Variants in SLC28A2 observed in about 807,000 individuals in gnomAD.
SLC28A2 encodes solute carrier family 28 member 2, also known as sodium/nucleoside cotransporter 2.
SLC28A2 carries 69 observed loss-of-function variants against 72.9 expected under a neutral mutation model. The ratio of observed to expected loss-of-function variants is 0.95; its 90% confidence interval spans 0.78 to 1.16. The LOEUF is 1.16. SLC28A2 is among the 50% of genes most tolerant of loss of function. SLC28A2 has a pLI of 0.00. For synonymous variants in SLC28A2, 296 were observed against 294.1 expected (o/e 1.01, Z -0.07); for missense variants, 745 against 791.1 (o/e 0.94, Z 0.70).
chr15:45,267,683 G>C lies in SLC28A2; in HGVS notation c.1086G>C (p.Leu362=). 6.2e-7 allele frequency: 1 copy of C among 1,614,096 alleles called. No individual in the cohort carries two copies. The highest frequency in any genetic ancestry group is 1.3e-5 in the African/African-American group (1 of 75,012). The change falls in exon 12 of 18, where the codon CTG becomes CTC. Residue 362 remains leucine (L), a synonymous_variant. Coordinates refer to ENST00000347644, the MANE Select transcript of SLC28A2 (RefSeq NM_004212.4). ...CCTCACAGGTTGATGCATCATCCCT[G>C]ATTTCTGCCTCTGTGATGGCCGCCC... ...FIAFGVDASS[L]ISASVMAAPC...
At chr15:45,268,411 G>C (rs1283343785) in intron 13 of SLC28A2, 33 bp downstream of exon 13, 2 of 1,546,480 alleles carry the variant, frequency 1.3e-6, no homozygotes, top group Non-Finnish European at 1.8e-6. Context: ...CTGTCCCTCT[G>C]GGATGTGGTT....
At position 45,253,420 on chromosome 15, in the gene SLC28A2, C is replaced by CT. The variant is rs1899868169; in HGVS notation, c.82-11dup. ...GCTCCATGACTGATCCCAATGCTCT[C>CT]TGTGCTTGTAGGAAAAAGAAGTAGA... On this transcript the variant is annotated splice_polypyrimidine_tract_variant and intron_variant, in intron 2 of 17. Transcript: ENST00000347644. The CT allele has an allele frequency of 2.5e-6, 4 of 1,610,326 alleles. No individual in the cohort carries two copies. Among genetic ancestry groups the CT allele is most frequent in the Non-Finnish European group, 3.4e-6 (4 of 1,176,576 alleles).
intron 13 of SLC28A2, among the ~76,000 whole-genome samples, chr15:45,268,731 G>A (rs534120220): frequency 9.3e-4 from 142 of 152,078 alleles, no homozygotes; most frequent in African/African-American, 3.3e-3. Context: ...TGTTTATTGC[G>A]GCACTATTCA....
chr15:45,264,007 C>T lies in SLC28A2; in HGVS notation c.573C>T (p.Ser191=). ...CMFILILFAC[S]KHHSAVSWRT... ...TCATCCTTATCCTCTTTGCCTGCTC[C>T]AAACACCACAGCGCAGTGAGTTTTG... Residue 191 remains serine, a synonymous_variant, in exon 6 of 18, where the codon TCC becomes TCT. Transcript: ENST00000347644. The T allele has an allele frequency of 6.2e-7, 1 of 1,612,598 alleles. No homozygotes were observed. The highest frequency in any genetic ancestry group is 8.5e-7 in the Non-Finnish European group (1 of 1,179,298).
intron 15 of SLC28A2, among the ~76,000 whole-genome samples, chr15:45,270,951 G>A (rs1367446398): frequency 6.6e-6 from 1 of 152,126 alleles, no homozygotes; most frequent in Non-Finnish European, 1.5e-5. Flanking sequence ...ATTTTATTCA[G>A]TAGTGAAGAC....
At position 45,269,341 on chromosome 15, in the gene SLC28A2, A is replaced by G. The variant is rs1403590385; in HGVS notation, c.1372A>G (p.Ile458Val). 3.7e-6 allele frequency: 6 copies of G among 1,613,498 alleles called. No individual in the cohort carries two copies. The South Asian group carries it at 5.5e-5, about 15-fold the overall frequency. The change falls in exon 14 of 18, where the codon ATC (isoleucine) becomes GTC (valine). Residue 458 changes from isoleucine (I) to valine (V), a missense_variant. Coordinates refer to ENST00000347644, the MANE Select transcript of SLC28A2 (RefSeq NM_004212.4). ...GTGATATCTCTCTTTCACTCAGGTC[A>G]TCTGCTCCTATCTCCTAAGGCCCAT... is the stretch of plus-strand genomic sequence containing the variant. ...VDIQGLTFQV[I>V]CSYLLRPMVF... is the part of the protein sequence containing the mutation.
intron 3 of SLC28A2, among the ~76,000 whole-genome samples, chr15:45,254,578 C>T (rs1355837878): frequency 1.3e-5 from 2 of 152,128 alleles, no homozygotes; most frequent in Non-Finnish European, 2.9e-5. Context: ...CATAAGTACA[C>T]TGTAAGATGT....
intron 9 of SLC28A2, among the ~76,000 whole-genome samples, 154 bp downstream of exon 9, chr15:45,265,817 G>A (rs977966982): frequency 1.3e-5 from 2 of 152,198 alleles, no homozygotes; most frequent in Non-Finnish European, 2.9e-5. Flanking sequence ...GTCAGCCGAG[G>A]CCCTAGGTAG....
At position 45,277,234 on chromosome 15, in the gene SLC28A2, ATAT is replaced by A. The variant is rs1221500354; in HGVS notation, c.*1725_*1727del. The A allele has an allele frequency of 1.3e-5, 2 of 149,662 alleles. No homozygotes were observed. The highest frequency in any genetic ancestry group is 1.5e-5 in the Non-Finnish European group (1 of 67,554). 9.3% of individuals were successfully genotyped at this position (149,662 alleles called of 1,614,324 possible). ...ATATTTAATATTATTTATTATATTAATATTATAGCCTTAAGGAAGGGTTTCAAA... is the reference window on the plus strand; with the variant it reads ...ATATTTAATATTATTTATTATATTAATATAGCCTTAAGGAAGGGTTTCAAA... On this transcript the variant is annotated 3_prime_UTR_variant, in exon 18 of 18. Coordinates refer to ENST00000347644, the MANE Select transcript of SLC28A2 (RefSeq NM_004212.4).
At position 45,264,726 on chromosome 15, in the gene SLC28A2, T is replaced by C. The variant is rs1289201082; in HGVS notation, c.660T>C (p.Asp220=). Residue 220 remains aspartate, a synonymous_variant, in exon 7 of 18, where the codon GAT becomes GAC. Transcript: ENST00000347644. ...TTGGGATCTTGGTCATCAGAACTGATCTTGGATATACTGTATTTCAGTGGC... is the reference window on the plus strand; with the variant it reads ...TTGGGATCTTGGTCATCAGAACTGACCTTGGATATACTGTATTTCAGTGGC... ...FVFGILVIRT[D]LGYTVFQWLG... 6.2e-7 allele frequency: 1 copy of C among 1,613,788 alleles called. No homozygotes were observed. Among genetic ancestry groups the C allele is most frequent in the Non-Finnish European group, 8.5e-7 (1 of 1,179,698 alleles).
intron 3 of SLC28A2, among the ~76,000 whole-genome samples, 188 bp from the exon 4 acceptor site, chr15:45,261,827 C>A (rs750196403): frequency 2.6e-5 from 4 of 152,182 alleles, no homozygotes; most frequent in Non-Finnish European, 5.9e-5. Flanking sequence ...ACCTGCTGCC[C>A]ACCAGCAAGG....
rs760993550 is a variant in SLC28A2, at chr15:45,272,759, A to C, written c.1834A>C (p.Met612Leu). 3 of 1,609,070 alleles carry C rather than the reference A, an allele frequency of 1.9e-6. No homozygotes were observed. Among genetic ancestry groups the C allele is most frequent in the Non-Finnish European group, 2.6e-6 (3 of 1,175,448 alleles). The change falls in exon 17 of 18, where the codon ATG becomes CTG. Residue 612 changes from methionine to leucine, a missense_variant. Transcript: ENST00000347644. ...CACCAATAGAACCTATGAGACCTAC[A>C]TGTGCTGCAGAGGGCTCTTTCAGAG... ...SFTNRTYETYMCCRGLFQSTS... is the reference protein window; with the variant it reads ...SFTNRTYETYLCCRGLFQSTS...
At chr15:45,260,819 G>C (rs1490193075) in intron 3 of SLC28A2, among the ~76,000 whole-genome samples, 1 of 152,156 alleles carries the variant, frequency 6.6e-6, no homozygotes, top group Non-Finnish European at 1.5e-5. Context: ...AGATCCTAAA[G>C]AATCATCTTG....
chr15:45,253,440 A>G lies in SLC28A2; in HGVS notation c.90A>G (p.Glu30=), dbSNP rs1899869256. 2.5e-6 allele frequency: 4 copies of G among 1,613,560 alleles called. No individual in the cohort carries two copies. In the East Asian group the frequency reaches 8.9e-5, roughly 36 times the overall value. Residue 30 remains glutamate, a synonymous_variant, in exon 3 of 18, where the codon GAA becomes GAG. Transcript: ENST00000347644. ...GCTCTCTGTGCTTGTAGGAAAAAGA[A>G]GTAGAGCCTGAGGGAAGCAAGAGGA... ...VNPGLELMEK[E]VEPEGSKRTD...
At chr15:45,270,725 TTAAG>T (rs1329368152) in intron 15 of SLC28A2, among the ~76,000 whole-genome samples, 1 of 151,988 alleles carries the variant, frequency 6.6e-6, no homozygotes, top group African/African-American at 2.4e-5. Context: ...CCTCCTGGGT[TTAAG>T]TGATTCTCAT....
At position 45,264,020 on chromosome 15, in the gene SLC28A2, G is replaced by C. The variant is rs371217234; in HGVS notation, c.586G>C (p.Ala196Pro). ...CTTTGCCTGCTCCAAACACCACAGC[G>C]CAGTGAGTTTTGGGTATTTGGGTTG... ...ILFACSKHHSAVSWRTVFSGL... is the reference protein window; with the variant it reads ...ILFACSKHHSPVSWRTVFSGL... Residue 196 changes from alanine (A) to proline (P), a missense_variant and splice_region_variant, in exon 6 of 18, where the codon GCA becomes CCA. Transcript: ENST00000347644. 1.2e-6 allele frequency: 2 copies of C among 1,609,454 alleles called. No individual in the cohort carries two copies. Among genetic ancestry groups the C allele is most frequent in the Admixed American group, 1.7e-5 (1 of 59,554 alleles).
At chr15:45,253,547 G>T in intron 3 of SLC28A2, 27 bp downstream of exon 3, 2 of 1,531,918 alleles carry the variant, frequency 1.3e-6, no homozygotes. Context: ...ATCTTGTTCA[G>T]TTAGGAAAGG....
intron 15 of SLC28A2, among the ~76,000 whole-genome samples, chr15:45,270,868 C>T (rs913502084): frequency 2.6e-5 from 4 of 152,048 alleles, no homozygotes; most frequent in African/African-American, 9.7e-5. Flanking sequence ...GAATTCCTGG[C>T]CTCAAGTGAT....
intron 13 of SLC28A2, 111 bp from the exon 14 acceptor site, chr15:45,269,227 C>G: frequency 2.5e-6 from 2 of 795,850 alleles, no homozygotes; most frequent in Non-Finnish European, 4.2e-6. Flanking sequence ...CAAGAGAGAG[C>G]ATGAATAGAA....
Sources: allele counts gnomAD v4.1 joint callset (sites outside exome capture counted in the v4.1 genomes callset), GRCh38; gene constraint gnomAD v4.1.1; transcripts MANE v1.5; gene names NCBI Gene and HGNC (gene_info 2026-07-23, HGNC 2026-07-21).